FNDC3B: variants seen among roughly 807,000 people sequenced by gnomAD.
FNDC3B encodes the protein fibronectin type III domain-containing protein 3B.
FNDC3B carries 12 observed loss-of-function variants against 151.5 expected under a neutral mutation model. That is an observed-to-expected ratio of 0.08 (90% CI 0.05 to 0.13). FNDC3B has a LOEUF of 0.13. Among genes scored for constraint, FNDC3B ranks in the 10% least tolerant of loss-of-function variants. The probability of loss-of-function intolerance (pLI) is 1.00; values close to 1 mark genes in which losing one functional copy is unlikely to be tolerated. For missense variants in FNDC3B, 1,214 were observed against 1,505.3 expected (o/e 0.81, Z 3.20); for synonymous variants, 528 against 549.0 (o/e 0.96, Z 0.54).
At position 172,072,435 on chromosome 3, in the gene FNDC3B, A is replaced by G. The variant is rs770337716; in HGVS notation, c.-29+32664A>G. ...TGAATGGTTGTGTCATGAAATAGTAATAATGTTAATAAAGGTGAAATTTTT... is the reference window on the plus strand; with the variant it reads ...TGAATGGTTGTGTCATGAAATAGTAGTAATGTTAATAAAGGTGAAATTTTT... On this transcript the variant is annotated intron_variant, in intron 1 of 25. Transcript: ENST00000415807. Among the ~76,000 whole-genome samples the G allele has an allele frequency of 4.9e-4, 74 of 151,952 alleles. 1 individual carries two copies. The highest frequency in any genetic ancestry group is 1.0e-3 in the Non-Finnish European group (69 of 67,966).
chr3:172,195,305 CTG>C (rs1184763457), intron 3 of FNDC3B, among the ~76,000 whole-genome samples: 1 of 152,038 alleles, frequency 6.6e-6, no homozygotes, highest in Non-Finnish European at 1.5e-5. Context: ...AGGGAGAACA[CTG>C]TGTGAAATTA....
chr3:172,206,742 T>C (rs1433851721), intron 3 of FNDC3B, among the ~76,000 whole-genome samples: 1 of 149,660 alleles, frequency 6.7e-6, no homozygotes, highest in Non-Finnish European at 1.5e-5. Context: ...TAAAAATAGG[T>C]CACACTTTAT....
At chr3:172,049,173 C>T (rs1355923548) in intron 1 of FNDC3B, among the ~76,000 whole-genome samples, 3 of 152,188 alleles carry the variant, frequency 2.0e-5, no homozygotes, top group African/African-American at 7.2e-5. Flanking sequence ...CCTACACAGT[C>T]TCCATATGCC....
intron 24 of FNDC3B, 145 bp downstream of exon 24, chr3:172,378,581 G>T: frequency 1.3e-6 from 1 of 762,614 alleles, no homozygotes. Context: ...GAGCAATGAT[G>T]GGTTGTCTGG....
At chr3:172,329,529 T>C (rs1732527936) in intron 12 of FNDC3B, 1 of 154,796 alleles carries the variant, frequency 6.5e-6, no homozygotes. Flanking sequence ...AAACCTGGAC[T>C]GTCTTAGAGG....
intron 3 of FNDC3B, among the ~76,000 whole-genome samples, chr3:172,160,651 T>C (rs944491915): frequency 2.0e-5 from 3 of 152,246 alleles, no homozygotes; most frequent in African/African-American, 7.2e-5. Context: ...TGGAGCAAGA[T>C]TAATAGAATA....
intron 3 of FNDC3B, among the ~76,000 whole-genome samples, chr3:172,141,708 G>A (rs556123153): frequency 2.6e-5 from 4 of 152,112 alleles, no homozygotes; most frequent in South Asian, 4.2e-4. Context: ...AAATTAGCTG[G>A]GCTTGGTGGT....
chr3:172,337,631 C>T, intron 16 of FNDC3B: 1 of 467,962 alleles, frequency 2.1e-6, no homozygotes, highest in Non-Finnish European at 3.8e-6. Flanking sequence ...TTTTCTGTAT[C>T]TTTTTCATTG....
chr3:172,201,041 GA>G (rs1725123965), intron 3 of FNDC3B, among the ~76,000 whole-genome samples: 1 of 152,196 alleles, frequency 6.6e-6, no homozygotes, highest in Admixed American at 6.5e-5. Flanking sequence ...CTTGTTAATG[GA>G]AACCAACTTC....
At chr3:172,361,634 T>G (rs1307390093) in intron 22 of FNDC3B, among the ~76,000 whole-genome samples, 1 of 152,216 alleles carries the variant, frequency 6.6e-6, no homozygotes, top group Non-Finnish European at 1.5e-5. Context: ...TTCCAGACTT[T>G]CCTGTCTTCT....
intron 1 of FNDC3B, among the ~76,000 whole-genome samples, chr3:172,048,603 T>G (rs896704818): frequency 2.6e-5 from 4 of 152,210 alleles, no homozygotes; most frequent in Non-Finnish European, 4.4e-5. Flanking sequence ...CCATTCCTAT[T>G]CCTATACGCA....
At chr3:172,045,808 A>ATT (rs1716341547) in intron 1 of FNDC3B, among the ~76,000 whole-genome samples, 1 of 148,350 alleles carries the variant, frequency 6.7e-6, no homozygotes, top group African/African-American at 2.6e-5. Flanking sequence ...ATATATATAT[A>ATT]CACTTTGCCT....
intron 3 of FNDC3B, among the ~76,000 whole-genome samples, chr3:172,181,693 G>T (rs1031703566): frequency 2.0e-5 from 3 of 151,828 alleles, no homozygotes; most frequent in Non-Finnish European, 4.4e-5. Context: ...GCTAGGTGTG[G>T]TGGCACACAC....
chr3:172,355,308 A>G (rs976373164), intron 22 of FNDC3B, among the ~76,000 whole-genome samples: 1 of 152,146 alleles, frequency 6.6e-6, no homozygotes, highest in Non-Finnish European at 1.5e-5. Flanking sequence ...TGACAGGGGC[A>G]GTGGTTCTAG....
intron 3 of FNDC3B, among the ~76,000 whole-genome samples, chr3:172,166,287 A>T (rs1401117548): frequency 6.6e-6 from 1 of 152,188 alleles, no homozygotes; most frequent in Non-Finnish European, 1.5e-5. Flanking sequence ...TAGTTCCTCA[A>T]TCAGTATCTG....
chr3:172,053,357 G>A (rs185406494), intron 1 of FNDC3B, among the ~76,000 whole-genome samples: 1 of 152,296 alleles, frequency 6.6e-6, no homozygotes, highest in East Asian at 1.9e-4. Context: ...GATAGTTCAA[G>A]TTAATTATCT....
At chr3:172,343,195 C>G in intron 18 of FNDC3B, 79 bp downstream of exon 18, 1 of 805,578 alleles carries the variant, frequency 1.2e-6, no homozygotes, top group Non-Finnish European at 2.2e-6. Flanking sequence ...AGTTAAGTTT[C>G]AAAGCTTTCT....
chr3:172,040,805 C>A lies in FNDC3B; in HGVS notation c.-29+1034C>A, dbSNP rs1715997848. Among the ~76,000 whole-genome samples the A allele has an allele frequency of 6.6e-6, 1 of 152,046 alleles. No homozygotes were observed. Among genetic ancestry groups the A allele is most frequent in the Non-Finnish European group, 1.5e-5 (1 of 67,960 alleles). On this transcript the variant is annotated intron_variant, in intron 1 of 25. Transcript: ENST00000415807. This position sits in a 1 kb window ranked among gnomAD's most constrained non-coding sequence, Gnocchi z 6.6. The stretch of plus-strand genomic sequence containing the variant: ...AAAGTGGGGCCTCGGGCTGTGCCCG[C>A]GAACTTTCCCAGAGGTCCGGGTCCC...
At chr3:172,206,181 T>A (rs1725412181) in intron 3 of FNDC3B, among the ~76,000 whole-genome samples, 2 of 152,138 alleles carry the variant, frequency 1.3e-5, no homozygotes, top group South Asian at 4.1e-4. Flanking sequence ...TTCAGATGAT[T>A]TTTATAGGAG....
Sources: gnomAD v4.1 joint callset for allele counts (sites outside exome capture counted in the v4.1 genomes callset) on GRCh38, gnomAD v4.1.1 for gene constraint, Gnocchi (gnomAD v3.1) non-coding constraint, MANE v1.5 for transcripts, NCBI Gene and HGNC (gene_info 2026-07-23, HGNC 2026-07-21) for gene names.